Variants in MAP2K5 observed in about 807,000 individuals in gnomAD.
MAP2K5 encodes dual specificity mitogen-activated protein kinase kinase 5.
In MAP2K5, 49 loss-of-function variants were observed where a neutral mutation model predicts 83.1. The observed-to-expected ratio is 0.59, with a 90% confidence interval of 0.47 to 0.75. MAP2K5 has a LOEUF of 0.75. MAP2K5 is among the 30% of genes least tolerant of loss of function. The probability of loss-of-function intolerance (pLI) is 0.00; values close to 1 mark genes in which losing one functional copy is unlikely to be tolerated. For missense variants in MAP2K5, 457 were observed against 557.5 expected (o/e 0.82, Z 1.82); for synonymous variants, 202 against 191.8 (o/e 1.05, Z -0.44).
chr15:67,728,417 T>C (rs1478211574), intron 17 of MAP2K5, among the ~76,000 whole-genome samples: 1 of 152,194 alleles, frequency 6.6e-6, no homozygotes, highest in African/African-American at 2.4e-5. Context: ...TTAAAAATAT[T>C]TTGCTCCCTC....
chr15:67,605,534 A>G (rs932128053), intron 8 of MAP2K5, among the ~76,000 whole-genome samples: 5 of 152,180 alleles, frequency 3.3e-5, no homozygotes, highest in African/African-American at 1.2e-4. Context: ...TAAAGTTTCA[A>G]AGTATTTTTA....
chr15:67,743,092 C>G (rs1203415091), intron 17 of MAP2K5, among the ~76,000 whole-genome samples: 2 of 152,214 alleles, frequency 1.3e-5, no homozygotes, highest in Non-Finnish European at 2.9e-5. Flanking sequence ...CTCCTGTAGG[C>G]ATCTTAAAGC....
At chr15:67,734,522 G>A (rs1231054086) in intron 17 of MAP2K5, among the ~76,000 whole-genome samples, 1 of 152,132 alleles carries the variant, frequency 6.6e-6, no homozygotes, top group Non-Finnish European at 1.5e-5. Flanking sequence ...AAATGCTAAT[G>A]TTGAAGTACT....
rs994860033 is a variant in MAP2K5, at chr15:67,748,089, G to T, written c.1075-142G>T. The T allele has an allele frequency of 3.3e-6, 2 of 605,650 alleles. No individual in the cohort carries two copies. Among genetic ancestry groups the T allele is most frequent in the Admixed American group, 5.5e-5 (2 of 36,114 alleles). The allele number at this position is 605,650 out of a possible 1,614,324, so 37.5% of individuals were successfully genotyped here. ...AATGAGAAGCGAGCTATTAACATTT[G>T]TGTATTTTCATTATGTAAATTGTGT... On this transcript the variant is annotated intron_variant, in intron 17 of 21. Transcript: ENST00000178640. The surrounding 1 kb of genome is among the most constrained non-coding windows in gnomAD (Gnocchi z 4.0).
At chr15:67,714,399 T>G (rs2088776770) in intron 16 of MAP2K5, among the ~76,000 whole-genome samples, 1 of 97,496 alleles carries the variant, frequency 1.0e-5, no homozygotes, top group African/African-American at 3.7e-5. Flanking sequence ...CCCCCACCCC[T>G]ACCCAGCTGC....
At chr15:67,662,038 G>A (rs2141148153) in intron 12 of MAP2K5, among the ~76,000 whole-genome samples, 1 of 151,836 alleles carries the variant, frequency 6.6e-6, no homozygotes, top group East Asian at 1.9e-4. Flanking sequence ...GTGTTTTATT[G>A]TAATGCCAGT....
chr15:67,753,706 T>A (rs2089772753), intron 19 of MAP2K5, among the ~76,000 whole-genome samples: 1 of 151,874 alleles, frequency 6.6e-6, no homozygotes, highest in South Asian at 2.1e-4. Context: ...AAATAACAAT[T>A]GGTGACAAGA....
At chr15:67,648,857 G>A (rs1447848650) in intron 11 of MAP2K5, among the ~76,000 whole-genome samples, 1 of 152,182 alleles carries the variant, frequency 6.6e-6, no homozygotes, top group Non-Finnish European at 1.5e-5. Context: ...GGGATTACAG[G>A]TGTGAGCCAC....
intron 8 of MAP2K5, among the ~76,000 whole-genome samples, chr15:67,621,434 G>GAAAAAAAAAAAAAAAAGAAAAA (rs11449678): frequency 8.4e-6 from 1 of 118,988 alleles, no homozygotes; most frequent in African/African-American, 3.3e-5. Context: ...ACAAAAGTTT[G>GAAAAAAAAAAAAAAAAGAAAAA]AAAAAAAAAA....
chr15:67,629,039 T>A, intron 8 of MAP2K5: 2 of 750,284 alleles, frequency 2.7e-6, no homozygotes, highest in African/African-American at 1.7e-5. Flanking sequence ...CTGGCCCCTA[T>A]GGTGGTGGAG....
chr15:67,656,494 A>C (rs1020736908), intron 11 of MAP2K5, among the ~76,000 whole-genome samples: 2 of 151,588 alleles, frequency 1.3e-5, no homozygotes, highest in African/African-American at 4.8e-5. Flanking sequence ...TTGCCCATCT[A>C]ATTTTTATAT....
At chr15:67,585,073 G>C (rs1435005427) in intron 4 of MAP2K5, among the ~76,000 whole-genome samples, 1 of 28,214 alleles carries the variant, frequency 3.5e-5, no homozygotes, top group African/African-American at 1.2e-4. Context: ...TCTGAGAGAG[G>C]AGCAAAAAAA....
intron 16 of MAP2K5, among the ~76,000 whole-genome samples, chr15:67,714,328 A>G (rs1156663882): frequency 6.7e-6 from 1 of 148,746 alleles, no homozygotes; most frequent in Non-Finnish European, 1.5e-5. Context: ...ACCAAGTAAT[A>G]AGAATTATGA....
intron 2 of MAP2K5, among the ~76,000 whole-genome samples, chr15:67,554,404 A>T (rs981846099): frequency 6.6e-6 from 1 of 152,214 alleles, no homozygotes; most frequent in Non-Finnish European, 1.5e-5. Flanking sequence ...ACACTAATTG[A>T]TATCTTATAT....
At chr15:67,616,253 C>T (rs1376656206) in intron 8 of MAP2K5, among the ~76,000 whole-genome samples, 2 of 152,148 alleles carry the variant, frequency 1.3e-5, no homozygotes, top group Non-Finnish European at 2.9e-5. Flanking sequence ...GATGATCCTA[C>T]AGTATATTAG....
At chr15:67,604,913 G>GTGAGGTTAAA (rs2085746632) in intron 8 of MAP2K5, among the ~76,000 whole-genome samples, 1 of 151,960 alleles carries the variant, frequency 6.6e-6, no homozygotes, top group Non-Finnish European at 1.5e-5. Context: ...CTAGGTTGTT[G>GTGAGGTTAAA]TGAGGTTAAA....
chr15:67,623,826 A>G (rs980688065), intron 8 of MAP2K5, among the ~76,000 whole-genome samples: 2 of 151,618 alleles, frequency 1.3e-5, no homozygotes, highest in East Asian at 3.9e-4. Context: ...CGAACTCCCA[A>G]CCTCAGGTGA....
intron 15 of MAP2K5, among the ~76,000 whole-genome samples, chr15:67,695,314 T>A (rs2088224428): frequency 6.6e-6 from 1 of 152,116 alleles, no homozygotes; most frequent in African/African-American, 2.4e-5. Context: ...CTAAACCTAA[T>A]TCTAAACCTA....
At chr15:67,605,486 A>T (rs1226295689) in intron 8 of MAP2K5, among the ~76,000 whole-genome samples, 2 of 152,162 alleles carry the variant, frequency 1.3e-5, no homozygotes, top group Non-Finnish European at 2.9e-5. Context: ...TTAATGAATC[A>T]TGATATCTTA....
Sources: gnomAD v4.1 joint callset for allele counts (sites outside exome capture counted in the v4.1 genomes callset) on GRCh38, gnomAD v4.1.1 for gene constraint, Gnocchi (gnomAD v3.1) non-coding constraint, MANE v1.5 for transcripts, NCBI Gene and HGNC (gene_info 2026-07-23, HGNC 2026-07-21) for gene names.